Variants in GALNTL6 observed in about 807,000 individuals in gnomAD.
GALNTL6 encodes polypeptide N-acetylgalactosaminyltransferase like 6.
A neutral mutation model predicts 73.7 loss-of-function variants in GALNTL6; 46 were observed. The observed-to-expected ratio is 0.62, with a 90% CI of 0.49 to 0.80. GALNTL6 has a LOEUF of 0.80. Ranked by LOEUF, GALNTL6 falls within the 30% of genes least tolerant of loss-of-function variation. The probability of loss-of-function intolerance (pLI) is 0.00; values close to 1 mark genes in which losing one functional copy is unlikely to be tolerated. For synonymous variants in GALNTL6, 259 were observed against 263.7 expected, an observed-to-expected ratio of 0.98 and a Z score of 0.17; for missense variants, 604 against 755.0, an observed-to-expected ratio of 0.80 and a Z score of 2.34.
At chr4:172,498,207 CTCT>C (rs1734137072) in intron 5 of GALNTL6, among the ~76,000 whole-genome samples, 1 of 151,944 alleles carries the variant, frequency 6.6e-6, no homozygotes. Context: ...CCAGGATGGT[CTCT>C]ATCTCTTGAC....
chr4:172,659,614 G>T (rs574449844), intron 5 of GALNTL6, among the ~76,000 whole-genome samples: 1 of 152,052 alleles, frequency 6.6e-6, no homozygotes, highest in Non-Finnish European at 1.5e-5. Flanking sequence ...GGGGCACTGT[G>T]ATGTCTTTTT....
At chr4:172,957,891 G>A (rs1158080736) in intron 10 of GALNTL6, among the ~76,000 whole-genome samples, 1 of 152,136 alleles carries the variant, frequency 6.6e-6, no homozygotes, top group Non-Finnish European at 1.5e-5. Flanking sequence ...GTGGTGATTA[G>A]GCCTGGTGGA....
intron 2 of GALNTL6, among the ~76,000 whole-genome samples, chr4:172,005,672 G>A (rs753114232): frequency 6.6e-5 from 10 of 151,824 alleles, no homozygotes; most frequent in East Asian, 1.9e-4. Flanking sequence ...TCTAAAATAA[G>A]GAACATGGTC....
In GALNTL6 at chr4:172,555,182, A is replaced by C. The variant is rs57622413; in HGVS notation, c.553+206493A>C. Among the ~76,000 whole-genome samples, 406 of 152,290 alleles carry C rather than the reference A, an allele frequency of 2.7e-3. 3 individuals are homozygous for C. The highest frequency in any genetic ancestry group is 8.8e-3 in the African/African-American group (368 of 41,586). On this transcript the variant is annotated intron_variant, in intron 5 of 12. Coordinates refer to ENST00000506823, the MANE Select transcript of GALNTL6 (RefSeq NM_001034845.3). ...AGCAGGAATTCATCAATTTTTAAAAATCTATCAACTTAATGCCTTTAAATA... is the reference window on the plus strand; with the variant it reads ...AGCAGGAATTCATCAATTTTTAAAACTCTATCAACTTAATGCCTTTAAATA...
chr4:172,512,827 G>T (rs879412628), intron 5 of GALNTL6, among the ~76,000 whole-genome samples: 8 of 152,100 alleles, frequency 5.3e-5, no homozygotes, highest in African/African-American at 4.8e-5. Context: ...AATCTGATAG[G>T]TTTTCCTTTA....
intron 10 of GALNTL6, among the ~76,000 whole-genome samples, chr4:172,984,062 G>A (rs907442855): frequency 6.6e-6 from 1 of 152,094 alleles, no homozygotes; most frequent in East Asian, 1.9e-4. Context: ...GAGATGGGGA[G>A]AAAACTATAT....
At chr4:171,933,286 TTC>T (rs1169206771) in intron 2 of GALNTL6, among the ~76,000 whole-genome samples, 1 of 152,188 alleles carries the variant, frequency 6.6e-6, no homozygotes, top group African/African-American at 2.4e-5. Flanking sequence ...ATAAGAATAT[TTC>T]TGTTTTTCAA....
At chr4:172,176,337 C>CAAAAAAAAAAAAAAAAAAAAAAAAAAAAA (rs562300659) in intron 2 of GALNTL6, among the ~76,000 whole-genome samples, 1 of 31,362 alleles carries the variant, frequency 3.2e-5, no homozygotes, top group African/African-American at 1.4e-4. Flanking sequence ...GACTCCGTCT[C>CAAAAAAAAAAAAAAAAAAAAAAAAAAAAA]AAAAAAAAAA....
chr4:172,978,329 A>G (rs187644785), intron 10 of GALNTL6, among the ~76,000 whole-genome samples: 1 of 152,326 alleles, frequency 6.6e-6, no homozygotes, highest in East Asian at 1.9e-4. Context: ...ACAAAGGAAG[A>G]AAAGTGAGCA....
intron 2 of GALNTL6, among the ~76,000 whole-genome samples, chr4:172,009,571 A>G (rs1215278468): frequency 6.6e-6 from 1 of 152,146 alleles, no homozygotes; most frequent in Non-Finnish European, 1.5e-5. Context: ...AAGGGAGTAC[A>G]AAGAAACTTC....
chr4:172,800,150 T>C (rs2110957301), intron 5 of GALNTL6, among the ~76,000 whole-genome samples: 1 of 152,210 alleles, frequency 6.6e-6, no homozygotes, highest in South Asian at 2.1e-4. Flanking sequence ...AGGGTTTTAG[T>C]TTTGCAAAAT....
At chr4:172,967,693 A>G (rs1750395575) in intron 10 of GALNTL6, among the ~76,000 whole-genome samples, 1 of 152,196 alleles carries the variant, frequency 6.6e-6, no homozygotes, top group South Asian at 2.1e-4. Context: ...ATGTAGTGCT[A>G]TAATTGTTGT....
At chr4:171,830,730 C>G (rs1734946636) in intron 2 of GALNTL6, among the ~76,000 whole-genome samples, 1 of 152,038 alleles carries the variant, frequency 6.6e-6, no homozygotes, top group South Asian at 2.1e-4. Context: ...TGACCTCTGA[C>G]TATGCTATAG....
intron 2 of GALNTL6, among the ~76,000 whole-genome samples, chr4:171,885,794 G>T (rs909980958): frequency 1.2e-4 from 18 of 152,110 alleles, no homozygotes; most frequent in Non-Finnish European, 2.4e-4. Flanking sequence ...CACAGTATGA[G>T]AACCTGTCTC....
intron 2 of GALNTL6, among the ~76,000 whole-genome samples, chr4:171,910,757 A>G (rs2110961674): frequency 6.6e-6 from 1 of 152,284 alleles, no homozygotes; most frequent in South Asian, 2.1e-4. Context: ...AGCCACTTCA[A>G]AGTAACATTT....
chr4:172,862,005 G>A (rs1744418853), intron 7 of GALNTL6, among the ~76,000 whole-genome samples: 2 of 152,224 alleles, frequency 1.3e-5, no homozygotes, highest in South Asian at 4.1e-4. Flanking sequence ...AAATGTGGAA[G>A]CGACTTTGGA....
intron 5 of GALNTL6, among the ~76,000 whole-genome samples, chr4:172,623,028 C>T (rs759196833): frequency 3.3e-5 from 5 of 151,916 alleles, no homozygotes; most frequent in Non-Finnish European, 7.4e-5. Context: ...CTAAGGGCTC[C>T]AACTAAACCT....
chr4:172,205,263 G>A (rs1016694242), intron 2 of GALNTL6, among the ~76,000 whole-genome samples: 22 of 152,280 alleles, frequency 1.4e-4, no homozygotes, highest in Admixed American at 4.6e-4. Context: ...TAAAAAGCAA[G>A]GATCTGCAAA....
chr4:172,910,470 C>G (rs1747140828), intron 8 of GALNTL6, among the ~76,000 whole-genome samples: 1 of 152,206 alleles, frequency 6.6e-6, no homozygotes, highest in South Asian at 2.1e-4. Flanking sequence ...CCATTTCTCA[C>G]ACATTAAACC....
Sources: gnomAD v4.1 joint callset for allele counts (sites outside exome capture counted in the v4.1 genomes callset) on GRCh38, gnomAD v4.1.1 for gene constraint, MANE v1.5 for transcripts, NCBI Gene and HGNC (gene_info 2026-07-23, HGNC 2026-07-21) for gene names.